The following SLC29A3 variants were observed in gnomAD, a reference collection of about 807,000 sequenced individuals.
SLC29A3 encodes solute carrier family 29 member 3.
In SLC29A3, 18 loss-of-function variants were observed where a neutral mutation model predicts 25.4. The ratio of observed to expected loss-of-function variants is 0.71; its 90% CI spans 0.49 to 1.05. SLC29A3 has a LOEUF of 1.05. Among genes scored for constraint, SLC29A3 ranks in the 50% least tolerant of loss-of-function variants. SLC29A3 has a pLI of 0.00. For missense variants in SLC29A3, 586 were observed against 609.0 expected, an observed-to-expected ratio of 0.96 and a Z score of 0.40; for synonymous variants, 258 against 267.1, an observed-to-expected ratio of 0.97 and a Z score of 0.33.
chr10:71,362,332 C>G lies in SLC29A3; in HGVS notation c.1152C>G (p.Leu384=), dbSNP rs765390489. The change falls in exon 6 of 6, where the codon CTC becomes CTG. Residue 384 remains leucine (L), a synonymous_variant. Transcript: ENST00000373189. The part of the protein sequence containing the change: ...PNSKALPGFV[L]LRTCLIPLFV... ...GCAAGGCGCTCCCAGGGTTCGTGCTCCTCCGGACCTGCCTCATCCCCCTCT... is the reference window on the plus strand; with the variant it reads ...GCAAGGCGCTCCCAGGGTTCGTGCTGCTCCGGACCTGCCTCATCCCCCTCT... 1 of 1,614,184 alleles carries G rather than the reference C, an allele frequency of 6.2e-7. No individual in the cohort carries two copies.
chr10:71,333,249 T>C (rs1289666211), intron 2 of SLC29A3, among the ~76,000 whole-genome samples: 1 of 152,268 alleles, frequency 6.6e-6, no homozygotes, highest in Non-Finnish European at 1.5e-5. Context: ...CGGTCCTCAC[T>C]GCCTGGGAGG....
chr10:71,347,428 G>A lies in SLC29A3; in HGVS notation c.383+3137G>A, dbSNP rs185731158. Among the ~76,000 whole-genome samples, 5 of 152,206 alleles carry A rather than the reference G, an allele frequency of 3.3e-5. No individual in the cohort carries two copies. In the East Asian group the frequency reaches 9.7e-4, roughly 29 times the overall value. On this transcript the variant is annotated intron_variant, in intron 3 of 5. Transcript: ENST00000373189. ...GTCTTGAAGCTGTCCTCTTGGCCAT[G>A]CCCTGTCTCCAAGTAGAACCCCAGA...
At chr10:71,374,243 G>A (rs1847233377) in intron 3 of SLC29A3, among the ~76,000 whole-genome samples, 2 of 152,064 alleles carry the variant, frequency 1.3e-5, no homozygotes, top group Non-Finnish European at 2.9e-5. Context: ...TCCTAAATAT[G>A]CATAGCTGAG....
chr10:71,369,475 G>A (rs1564546112), intron 3 of SLC29A3, among the ~76,000 whole-genome samples: 1 of 152,246 alleles, frequency 6.6e-6, no homozygotes, highest in African/African-American at 2.4e-5. Context: ...ATATGGAATG[G>A]TGAAGTAAAA....
chr10:71,359,052 G>T (rs1280165951), intron 5 of SLC29A3, among the ~76,000 whole-genome samples: 1 of 152,160 alleles, frequency 6.6e-6, no homozygotes, highest in Non-Finnish European at 1.5e-5. Context: ...GGGACAACAG[G>T]CATGGGCTGC....
chr10:71,375,518 C>G (rs1847244167), intron 3 of SLC29A3, among the ~76,000 whole-genome samples: 1 of 152,202 alleles, frequency 6.6e-6, no homozygotes, highest in Non-Finnish European at 1.5e-5. Flanking sequence ...ATTTTCATCT[C>G]TTTATGTGGT....
chr10:71,373,026 A>G (rs966486219), intron 3 of SLC29A3, among the ~76,000 whole-genome samples: 1 of 152,100 alleles, frequency 6.6e-6, no homozygotes, highest in African/African-American at 2.4e-5. Context: ...GTAACTGGGG[A>G]GCAGTGGGTG....
At chr10:71,361,224 G>A (rs116788773) in intron 5 of SLC29A3, among the ~76,000 whole-genome samples, 2,465 of 152,236 alleles carry the variant, frequency 0.016, 70 homozygotes, top group African/African-American at 0.056. Context: ...TCACTATATT[G>A]AACAACTGGG....
intron 3 of SLC29A3, among the ~76,000 whole-genome samples, chr10:71,372,300 C>T (rs951399265): frequency 6.6e-6 from 1 of 152,212 alleles, no homozygotes; most frequent in Non-Finnish European, 1.5e-5. Flanking sequence ...GGATTATTAT[C>T]CCCATTTTAT....
chr10:71,319,325 G>A lies in SLC29A3; in HGVS notation c.1+15G>A. On this transcript the variant is annotated intron_variant, in intron 1 of 5. Coordinates refer to ENST00000373189, the MANE Select transcript of SLC29A3 (RefSeq NM_018344.6). ...CAGCGGCGACAGTAAGTGCGGGCCGGCTCGGGCTCTTCCGGCTACGGTCCC... is the reference window on the plus strand; with the variant it reads ...CAGCGGCGACAGTAAGTGCGGGCCGACTCGGGCTCTTCCGGCTACGGTCCC... The A allele has an allele frequency of 1.5e-6, 1 of 645,416 alleles. No individual in the cohort carries two copies. The allele number at this position is 645,416 out of a possible 1,614,324, so 40.0% of individuals were successfully genotyped here. A position where few individuals can be genotyped will look rare whatever the true frequency, so the allele number is the denominator to read the frequency against.
chr10:71,370,047 C>A (rs1847199955), intron 3 of SLC29A3, among the ~76,000 whole-genome samples: 1 of 152,168 alleles, frequency 6.6e-6, no homozygotes, highest in African/African-American at 2.4e-5. Flanking sequence ...ACCCAGCCTG[C>A]CCTCAGTGCT....
chr10:71,362,554 C>T lies in SLC29A3; in HGVS notation c.1374C>T (p.Cys458=). The T allele has an allele frequency of 6.2e-7, 1 of 1,614,184 alleles. No homozygotes were observed. Among genetic ancestry groups the T allele is most frequent in the Non-Finnish European group, 8.5e-7 (1 of 1,180,040 alleles). ...ATGVVMSFYV[C]LGLTLGSACS... is the part of the protein sequence containing the mutation. The stretch of plus-strand genomic sequence containing the variant: ...GAGTGGTGATGTCCTTTTATGTGTG[C>T]TTGGGCTTAACACTGGGCTCAGCCT... The change falls in exon 6 of 6, where the codon TGC becomes TGT. Residue 458 remains cysteine, a synonymous_variant. Transcript: ENST00000373189.
At chr10:71,339,571 C>T (rs751643307) in intron 2 of SLC29A3, among the ~76,000 whole-genome samples, 2 of 152,070 alleles carry the variant, frequency 1.3e-5, no homozygotes, top group Non-Finnish European at 2.9e-5. Context: ...GTTCTGCCAG[C>T]CCTCCTGTGG....
chr10:71,354,825 C>T (rs1346486233), intron 4 of SLC29A3, among the ~76,000 whole-genome samples: 2 of 152,192 alleles, frequency 1.3e-5, no homozygotes. Context: ...GTCCTGTTTC[C>T]ACCTCACTAC....
chr10:71,321,891 G>A (rs1235310700), intron 1 of SLC29A3, among the ~76,000 whole-genome samples: 1 of 152,208 alleles, frequency 6.6e-6, no homozygotes, highest in Non-Finnish European at 1.5e-5. Context: ...CCATTTACGT[G>A]GCCTATGGCC....
At chr10:71,377,741 G>T (rs1847263999) in intron 4 of SLC29A3, among the ~76,000 whole-genome samples, 2 of 152,220 alleles carry the variant, frequency 1.3e-5, no homozygotes, top group African/African-American at 4.8e-5. Context: ...ATAAGAAACA[G>T]AAATAAACCA....
At chr10:71,336,306 A>G (rs1846251946) in intron 2 of SLC29A3, among the ~76,000 whole-genome samples, 1 of 152,102 alleles carries the variant, frequency 6.6e-6, no homozygotes, top group African/African-American at 2.4e-5. Context: ...TCACATCCTG[A>G]GGTTCTGGGT....
chr10:71,321,211 A>G (rs1453515502), intron 1 of SLC29A3, among the ~76,000 whole-genome samples: 1 of 152,148 alleles, frequency 6.6e-6, no homozygotes, highest in African/African-American at 2.4e-5. Context: ...TTCCATCTGA[A>G]AAAAGGGGGC....
chr10:71,365,634 A>G (rs1847164739), downstream of SLC29A3: 1 of 152,124 alleles, frequency 6.6e-6, no homozygotes, highest in African/African-American at 2.4e-5. Flanking sequence ...CTTAGTGGGC[A>G]CTTCACAGAG....
Sources: allele counts gnomAD v4.1 joint callset (sites outside exome capture counted in the v4.1 genomes callset), GRCh38; gene constraint gnomAD v4.1.1; transcripts MANE v1.5; gene names NCBI Gene and HGNC (gene_info 2026-07-23, HGNC 2026-07-21).